The following XK variants were observed in gnomAD, a reference collection of about 807,000 sequenced individuals.
The protein encoded by XK is X-linked Kx blood group antigen, Kell and VPS13A binding protein.
Under a neutral mutation model 14.0 loss-of-function variants are expected in XK, and 2 were observed. The observed-to-expected ratio is 0.14, with a 90% CI of 0.06 to 0.45. The LOEUF (loss-of-function observed/expected upper bound fraction) is 0.45, where lower values mean the gene tolerates loss of function less well. Ranked by LOEUF, XK falls within the 20% of genes least tolerant of loss-of-function variation. XK has a pLI of 0.98. For missense variants in XK, 235 were observed against 341.5 expected (o/e 0.69, Z 2.46); for synonymous variants, 149 against 147.5 (o/e 1.01, Z -0.08).
intron 2 of XK, among the ~76,000 whole-genome samples, chrX:37,699,687 A>AT (rs1475310830): frequency 1.8e-5 from 2 of 111,888 alleles, no homozygotes; most frequent in African/African-American, 3.2e-5. Flanking sequence ...ATTGAAACAC[A>AT]TTTTTTTTGT....
intron 2 of XK, among the ~76,000 whole-genome samples, chrX:37,727,017 C>G (rs993834363): frequency 1.8e-5 from 2 of 111,783 alleles, no homozygotes; most frequent in Non-Finnish European, 3.8e-5. Flanking sequence ...TCCCCAGAAG[C>G]TTAGAAGCCA....
intron 2 of XK, among the ~76,000 whole-genome samples, chrX:37,713,829 T>C (rs1395742081): frequency 8.9e-6 from 1 of 111,989 alleles, no homozygotes; most frequent in African/African-American, 3.2e-5. Flanking sequence ...ATAATTTTTG[T>C]ATTTGTCTGT....
intron 2 of XK, among the ~76,000 whole-genome samples, chrX:37,702,583 G>A (rs886099929): frequency 7.2e-5 from 8 of 111,686 alleles, no homozygotes; most frequent in African/African-American, 2.6e-4. Context: ...GAAGTAAAAA[G>A]GAGGGTACAC....
rs1602142491 is a variant in XK at position 37,685,844 on chromosome X, G to A, written c.-118G>A. ...GTGCCCTCGGCGGGCTGCGCAGAGCGCGGGAGCGGTTTGGGGCTGGGCATG... is the reference window on the plus strand; with the variant it reads ...GTGCCCTCGGCGGGCTGCGCAGAGCACGGGAGCGGTTTGGGGCTGGGCATG... On this transcript the variant is annotated 5_prime_UTR_variant, in exon 1 of 3. Transcript: ENST00000378616. 6 of 854,677 alleles carry A rather than the reference G, an allele frequency of 7.0e-6. No homozygotes were observed. The East Asian group carries it at 2.0e-4, about 28-fold the overall frequency. The allele number at this position is 854,677 out of a possible 1,213,427, so 70.4% of individuals were successfully genotyped here.
chrX:37,726,477 C>G (rs1569475474), intron 2 of XK, among the ~76,000 whole-genome samples: 1 of 111,496 alleles, frequency 9.0e-6, no homozygotes, highest in African/African-American at 3.3e-5. Flanking sequence ...GTTCCTAACT[C>G]ATAGCCCTGC....
At chrX:37,720,650 T>C (rs2146830408) in intron 2 of XK, among the ~76,000 whole-genome samples, 1 of 110,868 alleles carries the variant, frequency 9.0e-6, no homozygotes, top group South Asian at 3.8e-4. Flanking sequence ...TTAAGTACAT[T>C]AAGTACAATG....
At chrX:37,727,551 G>A (rs1388619175) in intron 2 of XK, 85 bp from the exon 3 acceptor site, 3 of 805,577 alleles carry the variant, frequency 3.7e-6, no homozygotes, top group Non-Finnish European at 3.7e-6. Context: ...TCCAAGGAAT[G>A]CGGGTGGGGT....
Position 37,728,028 on chromosome X carries a change from A to G in XK, c.901A>G (p.Lys301Glu). The G allele has an allele frequency of 8.3e-7, 1 of 1,211,466 alleles. No individual in the cohort carries two copies. Among genetic ancestry groups the G allele is most frequent in the Non-Finnish European group, 1.1e-6 (1 of 895,442 alleles). The stretch of plus-strand genomic sequence containing the variant: ...GTTCTGCTGGTCTGCTGTACAGCTG[A>G]AAATTGACAGCCCTGACCTCATCAG... ...NMFCWSAVQL[K>E]IDSPDLISKS... The change falls in exon 3 of 3, where the codon AAA (lysine) becomes GAA (glutamate). Residue 301 changes from lysine (K) to glutamate (E), a missense_variant. Physicochemically the swap from Lys to Glu is moderately conservative, Grantham distance 56. Transcript: ENST00000378616.
At chrX:37,700,975 C>T (rs1927403120) in intron 2 of XK, among the ~76,000 whole-genome samples, 1 of 110,982 alleles carries the variant, frequency 9.0e-6, no homozygotes, top group African/African-American at 3.3e-5. Context: ...TTTATTTGTA[C>T]CCTGCCTCAT....
At chrX:37,709,813 A>T (rs967771543) in intron 2 of XK, among the ~76,000 whole-genome samples, 7 of 112,038 alleles carry the variant, frequency 6.2e-5, no homozygotes, top group Non-Finnish European at 1.3e-4. Flanking sequence ...TACTGTGCAT[A>T]GGTAGGAAAA....
At chrX:37,711,462 A>G (rs782531452) in intron 2 of XK, among the ~76,000 whole-genome samples, 31 of 112,698 alleles carry the variant, frequency 2.8e-4, no homozygotes, top group African/African-American at 1.0e-3. Flanking sequence ...CCCCAAACTA[A>G]GGGAGATGGT....
Position 37,727,899 on chromosome X carries a change from T to G in XK, c.772T>G (p.Cys258Gly), listed in dbSNP as rs1467245637. 2.5e-6 allele frequency: 3 copies of G among 1,209,176 alleles called. No individual in the cohort carries two copies. Among genetic ancestry groups the G allele is most frequent in the Non-Finnish European group, 3.4e-6 (3 of 894,965 alleles). ...FFLYPWILFW[C>G]SGSPFPENIE... The stretch of plus-strand genomic sequence containing the variant: ...CTTGTACCCCTGGATCCTCTTCTGG[T>G]GCAGTGGTTCCCCATTCCCTGAGAA... Residue 258 changes from cysteine to glycine, a missense_variant, in exon 3 of 3, where the codon TGC (cysteine) becomes GGC (glycine). Transcript: ENST00000378616.
intron 2 of XK, among the ~76,000 whole-genome samples, chrX:37,720,122 T>A (rs1437118806): frequency 7.2e-5 from 8 of 111,563 alleles, no homozygotes; most frequent in African/African-American, 2.3e-4. Context: ...ATGTCAATAT[T>A]TGCTCCCATA....
intron 2 of XK, among the ~76,000 whole-genome samples, chrX:37,699,542 C>A (rs1211273697): frequency 1.8e-5 from 2 of 111,513 alleles, no homozygotes; most frequent in African/African-American, 6.5e-5. Flanking sequence ...GACATTTGAA[C>A]CTCTACTGTA....
In XK at chrX:37,686,097, C is replaced by G; in HGVS notation, c.136C>G (p.Leu46Val). The change falls in exon 1 of 3, where the codon CTG (leucine) becomes GTG (valine). Residue 46 changes from leucine to valine, a missense_variant. Coordinates refer to ENST00000378616, the MANE Select transcript of XK (RefSeq NM_021083.4). ...WQALTLLFSL[L>V]PCALVQLTLL... is the part of the protein sequence containing the mutation. ...GGCGCTGACGTTGCTTTTCTCGCTA[C>G]TGCCTTGCGCGCTCGTGCAGCTCAC... is the stretch of plus-strand genomic sequence containing the variant. 1 of 1,211,827 alleles carries G rather than the reference C, an allele frequency of 8.3e-7. No individual in the cohort carries two copies. Among genetic ancestry groups the G allele is most frequent in the Non-Finnish European group, 1.1e-6 (1 of 895,502 alleles).
At chrX:37,697,172 T>C (rs782601454) in intron 2 of XK, among the ~76,000 whole-genome samples, 2 of 111,958 alleles carry the variant, frequency 1.8e-5, no homozygotes, top group Admixed American at 1.9e-4. Flanking sequence ...AATATATAGA[T>C]TACCAGGATT....
chrX:37,722,079 T>C (rs112363940), intron 2 of XK, among the ~76,000 whole-genome samples: 48 of 111,754 alleles, frequency 4.3e-4, no homozygotes, highest in Admixed American at 1.0e-3. Context: ...GGGGTTTCTT[T>C]TTGAGGTGAT....
rs201052441 is a variant in XK, at chrX:37,710,669, G to A, written c.508+16121G>A. On this transcript the variant is annotated intron_variant, in intron 2 of 2. Coordinates refer to ENST00000378616, the MANE Select transcript of XK (RefSeq NM_021083.4). ...AAATAAATAAATAAATTAAATAAAA[G>A]AGAACCAACAAAGGATTGTTTAGAG... Among the ~76,000 whole-genome samples the A allele has an allele frequency of 5.4e-5, 6 of 111,593 alleles. No individual in the cohort carries two copies. The East Asian group carries it at 1.7e-3, about 31-fold the overall frequency.
At chrX:37,705,324 C>T (rs939991100) in intron 2 of XK, among the ~76,000 whole-genome samples, 116 of 108,900 alleles carry the variant, frequency 1.1e-3, no homozygotes, top group African/African-American at 3.6e-3. Context: ...TGGTGGCGGG[C>T]GCCTGTAGTC....
Sources: allele counts gnomAD v4.1 joint callset (sites outside exome capture counted in the v4.1 genomes callset), GRCh38; gene constraint gnomAD v4.1.1; transcripts MANE v1.5; gene names NCBI Gene and HGNC (gene_info 2026-07-23, HGNC 2026-07-21).